FUBP3: variants seen among roughly 807,000 people sequenced by gnomAD.
FUBP3 encodes the protein far upstream element-binding protein 3.
Under a neutral mutation model 85.6 loss-of-function variants are expected in FUBP3, and 28 were observed. The ratio of observed to expected loss-of-function variants is 0.33; its 90% CI spans 0.24 to 0.45. The LOEUF (loss-of-function observed/expected upper bound fraction) is 0.45. Among genes scored for constraint, FUBP3 ranks in the 20% least tolerant of loss-of-function variants. The pLI is 1.00. For missense variants in FUBP3, 583 were observed against 755.1 expected, an observed-to-expected ratio of 0.77 and a Z score of 2.67; for synonymous variants, 271 against 271.4, an observed-to-expected ratio of 1.00 and a Z score of 0.01.
At chr9:130,634,773 A>G in intron 17 of FUBP3, 35 bp downstream of exon 17, 1 of 1,514,180 alleles carries the variant, frequency 6.6e-7, no homozygotes, top group Non-Finnish European at 9.1e-7. Flanking sequence ...GTGGCAGCAC[A>G]GTCCCCTCCA....
intron 2 of FUBP3, among the ~76,000 whole-genome samples, chr9:130,605,267 G>A (rs1389388520): frequency 6.6e-6 from 1 of 152,214 alleles, no homozygotes; most frequent in Non-Finnish European, 1.5e-5. Context: ...CTGCTAGACT[G>A]TAAGCTCCCT....
Position 130,632,185 on chromosome 9 carries a change from C to T in FUBP3, c.1434-17C>T, listed in dbSNP as rs754085167. On this transcript the variant is annotated splice_polypyrimidine_tract_variant and intron_variant, in intron 15 of 18. Transcript: ENST00000319725. ...CTTGCCCCCTATAGGAACGAGTGAC[C>T]CTCTTGTTATCCACAGTGGTCCTCC... 6.2e-7 allele frequency: 1 copy of T among 1,608,780 alleles called. No individual in the cohort carries two copies. Among genetic ancestry groups the T allele is most frequent in the Non-Finnish European group, 8.5e-7 (1 of 1,175,302 alleles).
At chr9:130,622,967 A>G (rs578074951) in intron 10 of FUBP3, among the ~76,000 whole-genome samples, 157 bp downstream of exon 10, 2 of 152,026 alleles carry the variant, frequency 1.3e-5, no homozygotes, top group Admixed American at 1.3e-4. Flanking sequence ...CAGATGACCA[A>G]TCTCAGTTTC....
At chr9:130,591,432 A>G (rs1830621957) in intron 1 of FUBP3, among the ~76,000 whole-genome samples, 1 of 152,208 alleles carries the variant, frequency 6.6e-6, no homozygotes, top group Non-Finnish European at 1.5e-5. Context: ...TAAATGAGAT[A>G]GCATATTTAA....
chr9:130,614,293 T>A lies in FUBP3; in HGVS notation c.352T>A (p.Ser118Thr). 1 of 1,599,586 alleles carries A rather than the reference T, an allele frequency of 6.3e-7. No homozygotes were observed. Among genetic ancestry groups the A allele is most frequent in the Non-Finnish European group, 8.6e-7 (1 of 1,167,096 alleles). Reference sequence around the variant, plus strand: ...CTTCTTGATTCTTCTTATAGAGAGTTCTGGGATTCCAGAGAGGCCCTGTGT... The same window carrying A: ...CTTCTTGATTCTTCTTATAGAGAGTACTGGGATTCCAGAGAGGCCCTGTGT... Reference protein sequence around the residue: ...GCKIQIASESSGIPERPCVLT... With the variant: ...GCKIQIASESTGIPERPCVLT... The change falls in exon 6 of 19, where the codon TCT (serine) becomes ACT (threonine). Residue 118 changes from serine to threonine, a missense_variant. Ser to Thr is a moderately conservative substitution (Grantham distance 58). Around this residue, in one of 3 missense-constraint regions of FUBP3, gnomAD observed 177 missense variants for 221.9 expected, o/e 0.80. Coordinates refer to ENST00000319725, the MANE Select transcript of FUBP3 (RefSeq NM_003934.2).
intron 9 of FUBP3, 43 bp downstream of exon 9, chr9:130,620,501 T>C (rs373551778): frequency 1.5e-5 from 14 of 910,934 alleles, no homozygotes; most frequent in Middle Eastern, 2.2e-4. Flanking sequence ...AGATGAGGAC[T>C]AAAGTTGTAG....
chr9:130,636,973 C>T, intron 18 of FUBP3, 41 bp from the exon 19 acceptor site: 1 of 1,601,738 alleles, frequency 6.2e-7, no homozygotes, highest in Non-Finnish European at 8.6e-7. Context: ...GACCTGAGAA[C>T]CTGCCATCAC....
intron 7 of FUBP3, among the ~76,000 whole-genome samples, chr9:130,617,411 A>G (rs1232377463): frequency 6.6e-6 from 1 of 152,182 alleles, no homozygotes; most frequent in African/African-American, 2.4e-5. Context: ...GCCACTCATT[A>G]GCTCTGGACC....
At chr9:130,587,507 C>G (rs932374382) in intron 1 of FUBP3, among the ~76,000 whole-genome samples, 1 of 152,174 alleles carries the variant, frequency 6.6e-6, no homozygotes, top group Non-Finnish European at 1.5e-5. Context: ...CTCACCTGAT[C>G]ATCTTAGCAT....
intron 2 of FUBP3, among the ~76,000 whole-genome samples, chr9:130,605,850 G>T (rs572671287): frequency 1.3e-5 from 2 of 152,288 alleles, no homozygotes; most frequent in East Asian, 3.9e-4. Flanking sequence ...CAGGCATGGC[G>T]GCACACACCT....
chr9:130,618,538 G>T (rs1040537864), intron 8 of FUBP3, among the ~76,000 whole-genome samples: 2 of 152,242 alleles, frequency 1.3e-5, no homozygotes, highest in Admixed American at 1.3e-4. Flanking sequence ...CCCTGGGGTG[G>T]TCCTGTCCTT....
intron 8 of FUBP3, among the ~76,000 whole-genome samples, chr9:130,619,981 A>G (rs1275470691): frequency 6.6e-6 from 1 of 152,232 alleles, no homozygotes; most frequent in Non-Finnish European, 1.5e-5. Context: ...CCTTCCTGCT[A>G]GAAAGAAATG....
At chr9:130,607,716 A>G (rs1453563634) in intron 2 of FUBP3, among the ~76,000 whole-genome samples, 1 of 152,120 alleles carries the variant, frequency 6.6e-6, no homozygotes, top group African/African-American at 2.4e-5. Context: ...TAGGCAGCAA[A>G]TGGGAATGTT....
chr9:130,623,802 C>T, intron 11 of FUBP3, 91 bp downstream of exon 11: 5 of 698,314 alleles, frequency 7.2e-6, no homozygotes, highest in South Asian at 5.7e-5. Context: ...AGAGCTGTCA[C>T]CCTGAGGCGT....
chr9:130,624,824 A>T (rs548363666), intron 11 of FUBP3, among the ~76,000 whole-genome samples: 16 of 152,086 alleles, frequency 1.1e-4, no homozygotes, highest in Middle Eastern at 3.4e-3. Context: ...ACGGTGGCTC[A>T]CTCTTGTACC....
intron 11 of FUBP3, among the ~76,000 whole-genome samples, chr9:130,624,612 TGTGTG>T (rs1829892180): frequency 2.6e-5 from 1 of 38,990 alleles, no homozygotes; most frequent in Non-Finnish European, 5.6e-5. Flanking sequence ...CAAGATTTTG[TGTGTG>T]TGTGTGTGTG....
intron 12 of FUBP3, among the ~76,000 whole-genome samples, chr9:130,627,002 C>T (rs879304090): frequency 1.3e-5 from 2 of 152,222 alleles, no homozygotes; most frequent in Non-Finnish European, 1.5e-5. Context: ...TACCGTGAGT[C>T]ACGGACTCTC....
At chr9:130,611,830 A>G (rs1294426054) in intron 3 of FUBP3, among the ~76,000 whole-genome samples, 4 of 151,186 alleles carry the variant, frequency 2.6e-5, no homozygotes, top group Admixed American at 2.6e-4. Context: ...CACATAATGG[A>G]TGGGATAGCA....
intron 6 of FUBP3, among the ~76,000 whole-genome samples, chr9:130,615,855 C>T (rs1317162049): frequency 2.0e-5 from 3 of 152,166 alleles, no homozygotes; most frequent in African/African-American, 4.8e-5. Context: ...GAAGAAGAAG[C>T]GTGGAGTATG....
Sources: gnomAD v4.1 joint callset for allele counts (sites outside exome capture counted in the v4.1 genomes callset) on GRCh38, gnomAD v4.1.1 for gene constraint, gnomAD v4.1.1 regional missense constraint, MANE v1.5 for transcripts, NCBI Gene and HGNC (gene_info 2026-07-23, HGNC 2026-07-21) for gene names.